PDE11A: variants seen among roughly 807,000 people sequenced by gnomAD.
PDE11A encodes the protein phosphodiesterase 11A.
Under a neutral mutation model 100.5 loss-of-function variants are expected in PDE11A, and 100 were observed. The ratio of observed to expected loss-of-function variants is 1.00; its 90% CI spans 0.85 to 1.18. The LOEUF (loss-of-function observed/expected upper bound fraction) is 1.18. PDE11A is among the 50% of genes most tolerant of loss of function. PDE11A has a pLI of 0.00. For missense variants in PDE11A, 1,141 were observed against 1,152.6 expected, an observed-to-expected ratio of 0.99 and a Z score of 0.15; for synonymous variants, 381 against 420.8, an observed-to-expected ratio of 0.91 and a Z score of 1.16.
chr2:177,964,230 A>G (rs2085670195), intron 2 of PDE11A, among the ~76,000 whole-genome samples: 1 of 151,866 alleles, frequency 6.6e-6, no homozygotes, highest in South Asian at 2.1e-4. Context: ...GCTCAGTGCA[A>G]CCTCAAGTTT....
intron 10 of PDE11A, among the ~76,000 whole-genome samples, chr2:177,737,202 T>C (rs925655828): frequency 6.6e-6 from 1 of 151,670 alleles, no homozygotes; most frequent in Admixed American, 6.6e-5. Flanking sequence ...ATCACGCCAT[T>C]GCACTCCAGC....
chr2:177,630,541 G>A (rs1461010344), intron 19 of PDE11A, among the ~76,000 whole-genome samples: 1 of 152,200 alleles, frequency 6.6e-6, no homozygotes, highest in Non-Finnish European at 1.5e-5. Context: ...AATTCAAGGA[G>A]CTCAGATTAA....
chr2:178,047,817 ACCCCCC>A (rs113105331), intron 1 of PDE11A, among the ~76,000 whole-genome samples: 49 of 151,880 alleles, frequency 3.2e-4, no homozygotes, highest in Admixed American at 7.9e-4. Flanking sequence ...CATTTTCCTA[ACCCCCC>A]CATGTTATAT....
At position 177,705,087 on chromosome 2, in the gene PDE11A, G is replaced by T. The variant is rs183530857; in HGVS notation, c.2154-3876C>A. ...GAACTCCTGACCTTGTGATCTGCCC[G>T]CCTCGGCCTCCCAAAGTGATGGGAT... On this transcript the variant is annotated intron_variant, in intron 13 of 19. Coordinates refer to ENST00000286063, the MANE Select transcript of PDE11A (RefSeq NM_016953.4). 2.6e-3 allele frequency among the ~76,000 whole-genome samples: 402 copies of T among 152,168 alleles called. 2 individuals are homozygous for T. The highest frequency in any genetic ancestry group is 0.01 in the Middle Eastern group (3 of 294).
chr2:177,729,328 G>C (rs1298523420), intron 10 of PDE11A, among the ~76,000 whole-genome samples: 1 of 146,172 alleles, frequency 6.8e-6, no homozygotes, highest in African/African-American at 2.5e-5. Flanking sequence ...ATCACTCCTG[G>C]AACTTCCCGC....
chr2:177,711,088 A>G (rs1177759626), intron 13 of PDE11A, among the ~76,000 whole-genome samples: 1 of 152,222 alleles, frequency 6.6e-6, no homozygotes, highest in Non-Finnish European at 1.5e-5. Context: ...TAGCACCCAT[A>G]AGTTCTGTGG....
chr2:177,672,648 C>T (rs530847098), intron 17 of PDE11A, among the ~76,000 whole-genome samples: 1 of 152,186 alleles, frequency 6.6e-6, no homozygotes, highest in East Asian at 1.9e-4. Flanking sequence ...GATTAGAAAA[C>T]AAAATGTTAG....
intron 9 of PDE11A, among the ~76,000 whole-genome samples, chr2:177,802,006 C>G (rs898818375): frequency 4.7e-5 from 7 of 149,884 alleles, no homozygotes; most frequent in Admixed American, 4.0e-4. Context: ...AAGAACTCTT[C>G]CAGTCAACAA....
At chr2:177,840,527 G>A (rs72948809) in intron 5 of PDE11A, 144 bp from the exon 6 acceptor site, 66,793 of 714,536 alleles carry the variant, frequency 0.093, 3,454 homozygotes, top group Non-Finnish European at 0.11. Flanking sequence ...CAATAGCAAG[G>A]TAATTATCAG....
intron 1 of PDE11A, among the ~76,000 whole-genome samples, chr2:178,041,851 A>T (rs1027236653): frequency 6.6e-6 from 1 of 152,178 alleles, no homozygotes; most frequent in Admixed American, 6.5e-5. Flanking sequence ...TTATCCCCCT[A>T]GATGTTACAA....
chr2:177,695,591 TTA>T (rs1189674859), intron 15 of PDE11A, among the ~76,000 whole-genome samples: 3 of 152,186 alleles, frequency 2.0e-5, no homozygotes, highest in African/African-American at 7.2e-5. Flanking sequence ...TCCACTTAAC[TTA>T]ATCTCTTCTT....
At chr2:178,088,098 T>C (rs976507578) in intron 2 of PDE11A, among the ~76,000 whole-genome samples, 1 of 152,216 alleles carries the variant, frequency 6.6e-6, no homozygotes, top group Non-Finnish European at 1.5e-5. Flanking sequence ...CCACTCTGAC[T>C]TGCCTTACTC....
At chr2:177,682,674 TTCCCAAAACGCATC>T (rs2080882445) in intron 15 of PDE11A, among the ~76,000 whole-genome samples, 1 of 152,192 alleles carries the variant, frequency 6.6e-6, no homozygotes, top group African/African-American at 2.4e-5. Flanking sequence ...AACACACCAT[TTCCCAAAACGCATC>T]TCTCAAAATG....
chr2:178,078,883 T>A (rs1380864852), intron 2 of PDE11A, among the ~76,000 whole-genome samples: 1 of 152,202 alleles, frequency 6.6e-6, no homozygotes, highest in Non-Finnish European at 1.5e-5. Flanking sequence ...AAGAGTCATG[T>A]CTTTCCTCAA....
Position 177,816,861 on chromosome 2 carries a change from T to A in PDE11A, c.1705A>T (p.Lys569Ter), listed in dbSNP as rs1574172648. ...NNTIMYDQVK[K>*]SWAKQSVALD... Reference sequence around the variant, plus strand: ...GCCACAGACTGCTTGGCCCAGGACTTCTTCACTTGATCATACATAATTGTG... The same window carrying A: ...GCCACAGACTGCTTGGCCCAGGACTACTTCACTTGATCATACATAATTGTG... Residue 569 changes from lysine to a stop codon, truncating the protein, a stop_gained, in exon 9 of 20, where the codon AAG (lysine) becomes TAG (stop). Transcript: ENST00000286063. LOFTEE classifies it high-confidence loss of function. The A allele has an allele frequency of 6.2e-7, 1 of 1,609,070 alleles. No homozygotes were observed. The highest frequency in any genetic ancestry group is 2.2e-5 in the East Asian group (1 of 44,838).
intron 12 of PDE11A, among the ~76,000 whole-genome samples, chr2:177,722,855 TTAC>T (rs2081550359): frequency 6.6e-6 from 1 of 152,096 alleles, no homozygotes; most frequent in African/African-American, 2.4e-5. Flanking sequence ...ATATAACAAG[TTAC>T]TACTTTTTTG....
chr2:177,773,606 C>T (rs2082341622), intron 9 of PDE11A, among the ~76,000 whole-genome samples: 1 of 152,102 alleles, frequency 6.6e-6, no homozygotes, highest in Non-Finnish European at 1.5e-5. Context: ...TTTATTCTAC[C>T]TAATTAGACA....
intron 5 of PDE11A, among the ~76,000 whole-genome samples, chr2:177,860,962 A>T (rs573405972): frequency 3.6e-4 from 55 of 151,938 alleles, no homozygotes; most frequent in African/African-American, 1.2e-3. Context: ...AGGACACTTA[A>T]CAAAAAATGC....
chr2:177,945,065 G>A (rs1320056231), intron 2 of PDE11A, among the ~76,000 whole-genome samples: 2 of 149,842 alleles, frequency 1.3e-5, no homozygotes, highest in Non-Finnish European at 3.0e-5. Flanking sequence ...CGAGTGATCC[G>A]CCAGCCTTGG....
Sources: allele counts gnomAD v4.1 joint callset (sites outside exome capture counted in the v4.1 genomes callset), GRCh38; gene constraint gnomAD v4.1.1; transcripts MANE v1.5; gene names NCBI Gene and HGNC (gene_info 2026-07-23, HGNC 2026-07-21).